The following SLC8A1 variants were observed in gnomAD, a reference collection of about 807,000 sequenced individuals.
SLC8A1 encodes sodium/calcium exchanger 1.
Under a neutral mutation model 68.3 loss-of-function variants are expected in SLC8A1, and 18 were observed. The ratio of observed to expected loss-of-function variants is 0.26; its 90% confidence interval spans 0.18 to 0.39. SLC8A1 has a LOEUF of 0.39. SLC8A1 is among the 10% of genes least tolerant of loss of function. The pLI, the probability that SLC8A1 is intolerant of heterozygous loss-of-function variation, is 1.00. For missense variants in SLC8A1, 985 were observed against 1,156.7 expected (o/e 0.85, Z 2.15); for synonymous variants, 475 against 415.5 (o/e 1.14, Z -1.74).
intron 1 of SLC8A1, among the ~76,000 whole-genome samples, chr2:40,502,161 A>G (rs1706096690): frequency 6.6e-6 from 1 of 152,082 alleles, no homozygotes; most frequent in South Asian, 2.1e-4. Context: ...TCTAAATACT[A>G]TTGAACTTAT....
intron 2 of SLC8A1, among the ~76,000 whole-genome samples, chr2:40,300,144 G>A (rs2149263300): frequency 6.6e-6 from 1 of 152,280 alleles, no homozygotes; most frequent in Middle Eastern, 3.4e-3. Context: ...GATCTATGCT[G>A]CTTGCTTTGG....
intron 2 of SLC8A1, among the ~76,000 whole-genome samples, chr2:40,366,207 G>C (rs968551579): frequency 5.9e-5 from 9 of 151,950 alleles, no homozygotes; most frequent in African/African-American, 2.2e-4. Flanking sequence ...TGAGTACTTA[G>C]AACAACATAT....
At chr2:40,458,342 C>T (rs1703146164) in intron 1 of SLC8A1, among the ~76,000 whole-genome samples, 1 of 152,018 alleles carries the variant, frequency 6.6e-6, no homozygotes, top group Non-Finnish European at 1.5e-5. Context: ...TCTAGAAAGT[C>T]CAGTCCATTA....
At chr2:40,451,329 T>C (rs970050364) in intron 1 of SLC8A1, among the ~76,000 whole-genome samples, 1 of 152,070 alleles carries the variant, frequency 6.6e-6, no homozygotes, top group African/African-American at 2.4e-5. Flanking sequence ...ACCCCCTACA[T>C]TTCTTCCTCG....
At chr2:40,361,295 G>C (rs1016062847) in intron 2 of SLC8A1, among the ~76,000 whole-genome samples, 2 of 152,040 alleles carry the variant, frequency 1.3e-5, no homozygotes, top group Non-Finnish European at 2.9e-5. Context: ...GATGTGTGCC[G>C]GTTACTTCAA....
chr2:40,392,436 A>T (rs949658847), intron 2 of SLC8A1, among the ~76,000 whole-genome samples: 10 of 152,120 alleles, frequency 6.6e-5, no homozygotes. Context: ...ATATCTTGGG[A>T]AGTTTAGGAA....
intron 7 of SLC8A1, among the ~76,000 whole-genome samples, chr2:40,138,953 A>G (rs574150729): frequency 1.8e-4 from 28 of 152,310 alleles, no homozygotes; most frequent in African/African-American, 3.6e-4. Context: ...AGAATATTTT[A>G]TCAGGTCTCC....
intron 1 of SLC8A1, among the ~76,000 whole-genome samples, chr2:40,505,392 C>A (rs943625451): frequency 6.6e-6 from 1 of 151,776 alleles, no homozygotes; most frequent in Non-Finnish European, 1.5e-5. Flanking sequence ...CGATGGATAT[C>A]CCATTCCCCA....
chr2:40,158,444 C>A (rs1008794934), intron 6 of SLC8A1, among the ~76,000 whole-genome samples: 1 of 152,208 alleles, frequency 6.6e-6, no homozygotes, highest in East Asian at 1.9e-4. Flanking sequence ...CAGCAGCCTG[C>A]GAATTTCTAA....
intron 2 of SLC8A1, among the ~76,000 whole-genome samples, chr2:40,206,415 C>T (rs548046916): frequency 4.6e-5 from 7 of 151,992 alleles, no homozygotes; most frequent in Non-Finnish European, 8.8e-5. Context: ...ATTATTCACT[C>T]CTTACTCATT....
chr2:40,232,613 T>A (rs74360151), intron 2 of SLC8A1, among the ~76,000 whole-genome samples: 1,905 of 144,554 alleles, frequency 0.013, 12 homozygotes, highest in Middle Eastern at 0.022. Flanking sequence ...TTTTTTTTTT[T>A]ATATACTTTA....
At chr2:40,415,047 A>G (rs1299625279) in intron 2 of SLC8A1, among the ~76,000 whole-genome samples, 4 of 152,198 alleles carry the variant, frequency 2.6e-5, no homozygotes, top group Non-Finnish European at 5.9e-5. Flanking sequence ...ATTTAAGGAC[A>G]GGACTCTGAG....
intron 2 of SLC8A1, among the ~76,000 whole-genome samples, chr2:40,188,036 C>T (rs2051015310): frequency 6.6e-6 from 1 of 152,098 alleles, no homozygotes; most frequent in South Asian, 2.1e-4. Flanking sequence ...TTTCTCTGCT[C>T]AGTGAAAATT....
chr2:40,279,399 A>G (rs1395664610), intron 2 of SLC8A1, among the ~76,000 whole-genome samples: 1 of 152,234 alleles, frequency 6.6e-6, no homozygotes, highest in Non-Finnish European at 1.5e-5. Context: ...TGGCTCTTGA[A>G]TACCAAAGTG....
chr2:40,393,946 G>C (rs1156784096), intron 2 of SLC8A1, among the ~76,000 whole-genome samples: 3 of 152,040 alleles, frequency 2.0e-5, no homozygotes, highest in African/African-American at 4.8e-5. Flanking sequence ...AACACAGCTG[G>C]GTTACTTGAA....
chr2:40,099,472 A>G (rs923583355), exon 8 of SLC8A1: 5 of 152,100 alleles, frequency 3.3e-5, no homozygotes, highest in Non-Finnish European at 5.9e-5. Flanking sequence ...TTTAGGATCA[A>G]CTACGGGAAT....
chr2:40,367,072 T>C (rs905903193), intron 2 of SLC8A1, among the ~76,000 whole-genome samples: 8 of 152,106 alleles, frequency 5.3e-5, no homozygotes, highest in African/African-American at 1.2e-4. Flanking sequence ...GGTGATTTCA[T>C]AGGGATTTTT....
At chr2:40,240,906 G>C (rs1422755185) in intron 2 of SLC8A1, among the ~76,000 whole-genome samples, 1 of 152,132 alleles carries the variant, frequency 6.6e-6, no homozygotes, top group African/African-American at 2.4e-5. Context: ...ATGTGTATTT[G>C]TCACTTTTAA....
At chr2:40,242,132 A>ATGTGTGTGTGTGTGCG (rs1480067323) in intron 2 of SLC8A1, among the ~76,000 whole-genome samples, 1 of 151,216 alleles carries the variant, frequency 6.6e-6, no homozygotes, top group East Asian at 1.9e-4. Flanking sequence ...TGTGAGAAGG[A>ATGTGTGTGTGTGTGCG]TGTGTGTGTG....
Sources: gnomAD v4.1 joint callset for allele counts (sites outside exome capture counted in the v4.1 genomes callset) on GRCh38, gnomAD v4.1.1 for gene constraint, MANE v1.5 for transcripts, NCBI Gene and HGNC (gene_info 2026-07-23, HGNC 2026-07-21) for gene names.